AATF: variants seen among roughly 807,000 people sequenced by gnomAD.
AATF encodes the protein protein AATF.
Under a neutral mutation model 63.7 loss-of-function variants are expected in AATF, and 48 were observed. The observed-to-expected ratio is 0.75, with a 90% CI of 0.60 to 0.96. The LOEUF (loss-of-function observed/expected upper bound fraction) is 0.96, where lower values mean the gene tolerates loss of function less well. AATF is among the 40% of genes least tolerant of loss of function. The pLI, the probability that AATF is intolerant of heterozygous loss-of-function variation, is 0.00. For synonymous variants in AATF, 258 were observed against 247.7 expected, an observed-to-expected ratio of 1.04 and a Z score of -0.39; for missense variants, 639 against 685.7, an observed-to-expected ratio of 0.93 and a Z score of 0.76.
Position 37,051,691 on chromosome 17 carries a change from CAG to C in AATF, c.1620-4908_1620-4907del, listed in dbSNP as rs1306653106. Among the ~76,000 whole-genome samples, 416 of 136,054 alleles carry C rather than the reference CAG, an allele frequency of 3.1e-3. 2 individuals are homozygous for C. Among genetic ancestry groups the C allele is most frequent in the African/African-American group, 0.012 (390 of 33,904 alleles). 89.3% of individuals were successfully genotyped at this position (136,054 alleles called of 152,430 possible). A position where few individuals can be genotyped will look rare whatever the true frequency, so the allele number is the denominator to read the frequency against. ...CCGAATCCTAAGACAGACAGACAGACAGACAGACACACACACACACACACACA... is the reference window on the plus strand; with the variant it reads ...CCGAATCCTAAGACAGACAGACAGACACAGACACACACACACACACACACA... On this transcript the variant is annotated intron_variant, in intron 11 of 11. Coordinates refer to ENST00000619387, the MANE Select transcript of AATF (RefSeq NM_012138.4).
At chr17:36,975,893 T>G (rs1243674185) in intron 4 of AATF, among the ~76,000 whole-genome samples, 2 of 152,234 alleles carry the variant, frequency 1.3e-5, no homozygotes, top group Non-Finnish European at 2.9e-5. Flanking sequence ...AAGCTAAGCA[T>G]CTTCTCTGAT....
intron 10 of AATF, among the ~76,000 whole-genome samples, chr17:37,027,145 A>C (rs1404586643): frequency 1.3e-5 from 2 of 152,192 alleles, no homozygotes; most frequent in African/African-American, 4.8e-5. Flanking sequence ...AAAAAAACAA[A>C]TATTTTGGTT....
At chr17:36,960,300 C>T (rs530900423) in intron 4 of AATF, among the ~76,000 whole-genome samples, 11 of 152,356 alleles carry the variant, frequency 7.2e-5, no homozygotes, top group African/African-American at 2.6e-4. Flanking sequence ...GCATGAGCCA[C>T]TGCACCCGGC....
chr17:37,020,789 G>T, intron 9 of AATF, 145 bp from the exon 10 acceptor site: 3 of 552,424 alleles, frequency 5.4e-6, no homozygotes, highest in African/African-American at 2.0e-5. Context: ...CAATTGATTA[G>T]TCAGTTTGGC....
chr17:36,949,240 A>G, intron 1 of AATF, 24 bp downstream of exon 1: 1 of 1,570,552 alleles, frequency 6.4e-7, no homozygotes, highest in Non-Finnish European at 8.6e-7. Context: ...GGGGCAGGCC[A>G]CGTGCGGAGC....
chr17:36,950,473 A>G (rs1266508040), intron 2 of AATF, 68 bp downstream of exon 2: 1 of 1,436,426 alleles, frequency 7.0e-7, no homozygotes, highest in Non-Finnish European at 9.6e-7. Flanking sequence ...TCCTCCGGTC[A>G]TCCCCCATGA....
intron 11 of AATF, among the ~76,000 whole-genome samples, chr17:37,050,508 C>G (rs2071738957): frequency 6.6e-6 from 1 of 152,186 alleles, no homozygotes; most frequent in Non-Finnish European, 1.5e-5. Flanking sequence ...AGCATCAGTA[C>G]ATCACCAATA....
intron 8 of AATF, among the ~76,000 whole-genome samples, chr17:37,013,071 T>C (rs1268900797): frequency 6.6e-6 from 1 of 151,956 alleles, no homozygotes; most frequent in Non-Finnish European, 1.5e-5. Flanking sequence ...AGAAGGAAAA[T>C]GAATAAGGGA....
intron 10 of AATF, among the ~76,000 whole-genome samples, chr17:37,029,175 C>T (rs1041712697): frequency 9.2e-5 from 14 of 152,188 alleles, no homozygotes; most frequent in Non-Finnish European, 1.8e-4. Context: ...CCTTCCACCT[C>T]AGCCTCCCGA....
intron 4 of AATF, among the ~76,000 whole-genome samples, chr17:36,960,826 G>C (rs1214725558): frequency 1.3e-5 from 2 of 152,160 alleles, no homozygotes; most frequent in Non-Finnish European, 2.9e-5. Flanking sequence ...AAGATGATGT[G>C]AGTAAGATTG....
intron 11 of AATF, among the ~76,000 whole-genome samples, chr17:37,042,399 G>C (rs1404847688): frequency 6.6e-6 from 1 of 150,948 alleles, no homozygotes; most frequent in African/African-American, 2.4e-5. Flanking sequence ...TTTGAGTCCA[G>C]GTCTTTTTTT....
At position 36,976,725 on chromosome 17, in the gene AATF, G is replaced by A. The variant is rs79956586; in HGVS notation, c.833-9892G>A. On this transcript the variant is annotated intron_variant, in intron 4 of 11. Coordinates refer to ENST00000619387, the MANE Select transcript of AATF (RefSeq NM_012138.4). ...TAAAGCATCATTTAAGTGTTTTTAC[G>A]TAAACACAACCTCTCAAAGTGTTTC... Among the ~76,000 whole-genome samples the A allele has an allele frequency of 1.7e-3, 259 of 152,214 alleles. 1 individual carries two copies. Among genetic ancestry groups the A allele is most frequent in the African/African-American group, 5.4e-3 (226 of 41,534 alleles).
chr17:37,021,927 C>T (rs2071475031), intron 10 of AATF, among the ~76,000 whole-genome samples: 1 of 151,704 alleles, frequency 6.6e-6, no homozygotes, highest in Non-Finnish European at 1.5e-5. Context: ...AGTGAAGGAC[C>T]ACAGGGAATG....
At chr17:37,019,931 C>T (rs1286199486) in intron 9 of AATF, among the ~76,000 whole-genome samples, 3 of 151,956 alleles carry the variant, frequency 2.0e-5, no homozygotes, top group Admixed American at 6.6e-5. Context: ...GTACATTTAT[C>T]TGACTTTACA....
intron 4 of AATF, among the ~76,000 whole-genome samples, chr17:36,962,408 C>T (rs1451047238): frequency 6.6e-6 from 1 of 152,184 alleles, no homozygotes; most frequent in African/African-American, 2.4e-5. Context: ...TGCACTGATT[C>T]TACCTACCCT....
chr17:37,016,645 A>G (rs1182263030), intron 8 of AATF, among the ~76,000 whole-genome samples: 1 of 152,232 alleles, frequency 6.6e-6, no homozygotes, highest in East Asian at 1.9e-4. Context: ...GTTTATTTGT[A>G]AAGTTAAAGC....
At chr17:37,051,426 T>C (rs1011862956) in intron 11 of AATF, among the ~76,000 whole-genome samples, 7 of 152,198 alleles carry the variant, frequency 4.6e-5, no homozygotes, top group African/African-American at 1.7e-4. Flanking sequence ...TTTGTACTGT[T>C]TGCCCAAGTG....
At chr17:37,051,647 G>T (rs1179153618) in intron 11 of AATF, among the ~76,000 whole-genome samples, 2 of 150,428 alleles carry the variant, frequency 1.3e-5, no homozygotes, top group Non-Finnish European at 2.9e-5. Flanking sequence ...CTCTTCAGAA[G>T]AATCACATAA....
intron 11 of AATF, among the ~76,000 whole-genome samples, chr17:37,036,219 G>A (rs550557468): frequency 2.8e-4 from 43 of 152,228 alleles, no homozygotes; most frequent in African/African-American, 9.9e-4. Context: ...CTTTTCCTTA[G>A]TTGCTCATTG....
Sources: allele counts gnomAD v4.1 joint callset (sites outside exome capture counted in the v4.1 genomes callset), GRCh38; gene constraint gnomAD v4.1.1; transcripts MANE v1.5; gene names NCBI Gene and HGNC (gene_info 2026-07-23, HGNC 2026-07-21).